Variants in WNT7B observed in about 807,000 individuals in gnomAD.
The protein encoded by WNT7B is Wnt family member 7B, also known as protein Wnt-7b.
WNT7B carries 19 observed loss-of-function variants against 38.2 expected under a neutral mutation model. The ratio of observed to expected loss-of-function variants is 0.50; its 90% CI spans 0.35 to 0.73. The LOEUF (loss-of-function observed/expected upper bound fraction) is 0.73, where lower values mean the gene tolerates loss of function less well. WNT7B is among the 30% of genes least tolerant of loss of function. The pLI, the probability that WNT7B is intolerant of heterozygous loss-of-function variation, is 0.01. For synonymous variants in WNT7B, 243 were observed against 209.3 expected (o/e 1.16, Z -1.39); for missense variants, 423 against 507.9 (o/e 0.83, Z 1.61).
intron 1 of WNT7B, among the ~76,000 whole-genome samples, chr22:45,971,185 C>T (rs1305640091): frequency 6.8e-6 from 1 of 146,982 alleles, no homozygotes; most frequent in Non-Finnish European, 1.5e-5. Context: ...GGGAAGGCAG[C>T]GGCTGCCCCC....
chr22:45,975,418 G>C lies in WNT7B; in HGVS notation c.71+1266C>G. 1 of 617,412 alleles carries C rather than the reference G, an allele frequency of 1.6e-6. No individual in the cohort carries two copies. The highest frequency in any genetic ancestry group is 2.9e-5 in the East Asian group (1 of 34,810). The allele number at this position is 617,412 out of a possible 1,614,324, so 38.2% of individuals were successfully genotyped here. A position where few individuals can be genotyped will look rare whatever the true frequency, so the allele number is the denominator to read the frequency against. ...GCCTACCCACAGACCTATGATAAAC[G>C]GGGCTACCGGCAGCCGCAGACACGC... is the stretch of plus-strand genomic sequence containing the variant. On this transcript the variant is annotated intron_variant, in intron 1 of 3. Transcript: ENST00000339464. The surrounding 1 kb of genome is among the most constrained non-coding windows in gnomAD (Gnocchi z 6.6).
intron 2 of WNT7B, among the ~76,000 whole-genome samples, chr22:45,940,502 G>A (rs1427329929): frequency 6.6e-6 from 1 of 152,210 alleles, no homozygotes; most frequent in Non-Finnish European, 1.5e-5. Context: ...ATTGCCACCT[G>A]TGTGTCCCTG....
chr22:45,943,925 C>T (rs1015569696), intron 2 of WNT7B, among the ~76,000 whole-genome samples: 4 of 152,182 alleles, frequency 2.6e-5, no homozygotes, highest in Admixed American at 6.5e-5. Context: ...TGTGTCCTGC[C>T]TCAGTGGCCC....
chr22:45,936,616 C>T (rs919054865), intron 2 of WNT7B, among the ~76,000 whole-genome samples: 2 of 152,242 alleles, frequency 1.3e-5, no homozygotes, highest in Admixed American at 6.5e-5. Context: ...CTCAAAGGAC[C>T]CCCTGGCTGG....
intron 2 of WNT7B, among the ~76,000 whole-genome samples, chr22:45,939,329 T>C (rs1231376073): frequency 6.6e-6 from 1 of 152,166 alleles, no homozygotes; most frequent in Non-Finnish European, 1.5e-5. Flanking sequence ...CACTTATATA[T>C]TGTGCAGAAG....
intron 1 of WNT7B, among the ~76,000 whole-genome samples, chr22:45,970,536 C>T (rs1386747505): frequency 4.6e-5 from 7 of 152,044 alleles, no homozygotes; most frequent in Non-Finnish European, 1.0e-4. Flanking sequence ...TACCCCAACC[C>T]CCAACCCCCC....
In WNT7B at chr22:45,965,499, G is replaced by A. The variant is rs1680678731; in HGVS notation, c.71+11185C>T. On this transcript the variant is annotated intron_variant, in intron 1 of 3. Transcript: ENST00000339464. This position sits in a 1 kb window ranked among gnomAD's most constrained non-coding sequence, Gnocchi z 6.5. ...GGAGGAGGGAGGAAGAGGACCTGGG[G>A]GAGCATCCAGACCCACCACCCAGAT... Among the ~76,000 whole-genome samples the A allele has an allele frequency of 6.6e-6, 1 of 152,140 alleles. No individual in the cohort carries two copies. The highest frequency in any genetic ancestry group is 2.1e-4 in the South Asian group (1 of 4,830).
intron 1 of WNT7B, among the ~76,000 whole-genome samples, chr22:45,957,094 G>A (rs1464712867): frequency 3.2e-5 from 4 of 124,938 alleles, no homozygotes; most frequent in African/African-American, 1.4e-4. Flanking sequence ...GACAGAGCGA[G>A]ACTCTGTCTC....
intron 3 of WNT7B, chr22:45,925,751 G>T (rs1931063285): frequency 3.0e-6 from 3 of 985,264 alleles, no homozygotes; most frequent in Non-Finnish European, 3.6e-6. Flanking sequence ...CCCAGGAGCT[G>T]CCCTGATGGT....
chr22:45,931,803 C>T (rs184371343), intron 2 of WNT7B, among the ~76,000 whole-genome samples: 1 of 151,978 alleles, frequency 6.6e-6, no homozygotes, highest in Non-Finnish European at 1.5e-5. Flanking sequence ...CCCAGGAGCC[C>T]CTCCTCATGA....
At chr22:45,931,498 C>T in intron 2 of WNT7B, 129 bp from the exon 3 acceptor site, 14 of 1,142,874 alleles carry the variant, frequency 1.2e-5, no homozygotes, top group Non-Finnish European at 1.6e-5. Flanking sequence ...ATCGCTCGCC[C>T]CCTCTGTGCC....
intron 2 of WNT7B, among the ~76,000 whole-genome samples, chr22:45,941,210 G>A (rs1931637987): frequency 6.6e-6 from 1 of 152,168 alleles, no homozygotes; most frequent in Non-Finnish European, 1.5e-5. Flanking sequence ...GGGGTTTAGG[G>A]AGGAAAGAGT....
chr22:45,930,950 G>T (rs1413575647), intron 3 of WNT7B, 148 bp downstream of exon 3: 2 of 1,123,348 alleles, frequency 1.8e-6, no homozygotes, highest in East Asian at 2.6e-5. Flanking sequence ...TCAGAGCCAT[G>T]CACGTGGAGG....
chr22:45,952,575 G>C (rs1439897212), intron 1 of WNT7B, among the ~76,000 whole-genome samples: 1 of 152,260 alleles, frequency 6.6e-6, no homozygotes, highest in African/African-American at 2.4e-5. Flanking sequence ...CACCCTGTTT[G>C]CCGTGGGGCA....
Position 45,931,383 on chromosome 22 carries a change from C to T in WNT7B, c.299-14G>A, listed in dbSNP as rs756938583. On this transcript the variant is annotated splice_polypyrimidine_tract_variant and intron_variant, in intron 2 of 3. Transcript: ENST00000339464. Reference sequence around the variant, plus strand: ...CCTCACGGCTCCCTGCGGGGACAGACAGGTGCAGAAGGTGAGACCCCAGGC... The same window carrying T: ...CCTCACGGCTCCCTGCGGGGACAGATAGGTGCAGAAGGTGAGACCCCAGGC... 3 of 1,574,332 alleles carry T rather than the reference C, an allele frequency of 1.9e-6. No individual in the cohort carries two copies. Among genetic ancestry groups the T allele is most frequent in the East Asian group, 4.5e-5 (2 of 44,410 alleles).
Position 45,976,646 on chromosome 22 carries a change from T to A in WNT7B, c.71+38A>T. On this transcript the variant is annotated intron_variant, in intron 1 of 3. Coordinates refer to ENST00000339464, the MANE Select transcript of WNT7B (RefSeq NM_058238.3). This position sits in a 1 kb window ranked among gnomAD's most constrained non-coding sequence, Gnocchi z 8.5. ...CGGAGGCAGCTCCTTCGTGCTGTCT[T>A]GGCCCCTGGCTGCTGCCCTCGCCCA... is the stretch of plus-strand genomic sequence containing the variant. 1 of 1,593,768 alleles carries A rather than the reference T, an allele frequency of 6.3e-7. No homozygotes were observed. The highest frequency in any genetic ancestry group is 1.1e-5 in the South Asian group (1 of 89,052).
intron 1 of WNT7B, among the ~76,000 whole-genome samples, chr22:45,970,978 G>A (rs895749166): frequency 3.3e-5 from 5 of 152,256 alleles, no homozygotes; most frequent in African/African-American, 7.2e-5. Context: ...CCGGGAAACC[G>A]CGGGCCTCGC....
intron 2 of WNT7B, among the ~76,000 whole-genome samples, chr22:45,944,410 G>A (rs1931745551): frequency 6.6e-6 from 1 of 152,200 alleles, no homozygotes; most frequent in Non-Finnish European, 1.5e-5. Context: ...GCCTTCCCGG[G>A]GAGGGGCAGC....
intron 2 of WNT7B, among the ~76,000 whole-genome samples, chr22:45,940,078 C>T (rs554888478): frequency 3.9e-5 from 6 of 152,220 alleles, no homozygotes; most frequent in South Asian, 2.1e-4. Flanking sequence ...TACTAAAGAC[C>T]GTGGGCTTGT....
Sources: allele counts gnomAD v4.1 joint callset (sites outside exome capture counted in the v4.1 genomes callset), GRCh38; gene constraint gnomAD v4.1.1; non-coding constraint Gnocchi (gnomAD v3.1); transcripts MANE v1.5; gene names NCBI Gene and HGNC (gene_info 2026-07-23, HGNC 2026-07-21).